PPP2R5E: variants seen among roughly 807,000 people sequenced by gnomAD.
PPP2R5E encodes protein phosphatase 2 regulatory subunit B'epsilon.
Under a neutral mutation model 65.3 loss-of-function variants are expected in PPP2R5E, and 4 were observed. The ratio of observed to expected loss-of-function variants is 0.06; its 90% CI spans 0.03 to 0.14. The LOEUF (loss-of-function observed/expected upper bound fraction) is 0.14, where lower values mean the gene tolerates loss of function less well. Among genes scored for constraint, PPP2R5E ranks in the 10% least tolerant of loss-of-function variants. PPP2R5E has a pLI of 1.00. For synonymous variants in PPP2R5E, 183 were observed against 187.4 expected (o/e 0.98, Z 0.19); for missense variants, 274 against 556.1 (o/e 0.49, Z 5.10).
intron 3 of PPP2R5E, among the ~76,000 whole-genome samples, chr14:63,433,675 G>C (rs1301777113): frequency 6.6e-6 from 1 of 151,976 alleles, no homozygotes; most frequent in African/African-American, 2.4e-5. Context: ...CCTCTCCAGA[G>C]AGTAAAGCTT....
chr14:63,520,193 G>A (rs1255759), intron 2 of PPP2R5E, among the ~76,000 whole-genome samples: 5,517 of 151,764 alleles, frequency 0.036, 335 homozygotes, highest in African/African-American at 0.13. Flanking sequence ...CCGCCACCAC[G>A]CCCGGCTAAT....
At chr14:63,433,072 G>A (rs1263732699) in intron 3 of PPP2R5E, among the ~76,000 whole-genome samples, 1 of 110,524 alleles carries the variant, frequency 9.0e-6, no homozygotes, top group Non-Finnish European at 1.7e-5. Context: ...GGGTCTCACT[G>A]TGTCACCCAG....
intron 2 of PPP2R5E, among the ~76,000 whole-genome samples, chr14:63,458,256 G>C (rs961484571): frequency 6.6e-6 from 1 of 152,136 alleles, no homozygotes; most frequent in Non-Finnish European, 1.5e-5. Context: ...CCCTAATCAT[G>C]ATTTAAAGGG....
chr14:63,529,978 G>A (rs1041279284), intron 2 of PPP2R5E, among the ~76,000 whole-genome samples: 8 of 152,066 alleles, frequency 5.3e-5, no homozygotes, highest in Non-Finnish European at 7.4e-5. Flanking sequence ...ACGATACTCA[G>A]AAAATAGTAA....
chr14:63,490,704 G>A (rs145142762), intron 2 of PPP2R5E, among the ~76,000 whole-genome samples: 20 of 151,952 alleles, frequency 1.3e-4, no homozygotes, highest in Admixed American at 3.3e-4. Flanking sequence ...CACACCAGTC[G>A]GAATGAGTAC....
Position 63,392,032 on chromosome 14 carries a change from A to G in PPP2R5E, c.850-7T>C. On this transcript the variant is annotated splice_polypyrimidine_tract_variant and splice_region_variant and intron_variant, in intron 8 of 13. Coordinates refer to ENST00000337537, the MANE Select transcript of PPP2R5E (RefSeq NM_006246.5). ...GTACTATACAATATGCCAGCTGAGT[A>G]AAAAATAAAATAAAAGGCAAAATTT... 1 of 1,590,924 alleles carries G rather than the reference A, an allele frequency of 6.3e-7. No homozygotes were observed. Among genetic ancestry groups the G allele is most frequent in the Non-Finnish European group, 8.5e-7 (1 of 1,172,946 alleles).
At chr14:63,496,530 C>T (rs1220207814) in intron 2 of PPP2R5E, among the ~76,000 whole-genome samples, 13 of 151,692 alleles carry the variant, frequency 8.6e-5, no homozygotes, top group African/African-American at 2.7e-4. Flanking sequence ...TCATCCAGCT[C>T]GCCTCTTGAA....
intron 8 of PPP2R5E, among the ~76,000 whole-genome samples, chr14:63,393,353 A>C (rs1885132878): frequency 6.6e-6 from 1 of 152,224 alleles, no homozygotes; most frequent in Non-Finnish European, 1.5e-5. Flanking sequence ...ATAGAAAAAA[A>C]ATGCATACAT....
rs559561904 is a variant in PPP2R5E, at chr14:63,506,312, A to G, written c.157+33217T>C. 9.2e-5 allele frequency among the ~76,000 whole-genome samples: 14 copies of G among 152,066 alleles called. No homozygotes were observed. In the East Asian group the frequency reaches 1.7e-3, roughly 19 times the overall value. On this transcript the variant is annotated intron_variant, in intron 2 of 13. Coordinates refer to ENST00000337537, the MANE Select transcript of PPP2R5E (RefSeq NM_006246.5). ...AAAAATACAAAAAAATTAGCCGGGC[A>G]TGGTGGCGGGCGCCTGTAGTCCCAG...
chr14:63,456,157 A>C (rs1188753436), intron 2 of PPP2R5E, among the ~76,000 whole-genome samples: 1 of 152,264 alleles, frequency 6.6e-6, no homozygotes, highest in Admixed American at 6.5e-5. Context: ...GATTTTAATA[A>C]AGTCTAAAAA....
At position 63,511,440 on chromosome 14, in the gene PPP2R5E, C is replaced by T. The variant is rs750047443; in HGVS notation, c.157+28089G>A. ...ATCTGACGGGATGTTCATGAGTGAGCTCAGAGGAGAAGAGAACCATCACAT... is the reference window on the plus strand; with the variant it reads ...ATCTGACGGGATGTTCATGAGTGAGTTCAGAGGAGAAGAGAACCATCACAT... On this transcript the variant is annotated intron_variant, in intron 2 of 13. Coordinates refer to ENST00000337537, the MANE Select transcript of PPP2R5E (RefSeq NM_006246.5). 5.3e-5 allele frequency among the ~76,000 whole-genome samples: 8 copies of T among 152,134 alleles called. No homozygotes were observed. The South Asian group carries it at 1.0e-3, about 20-fold the overall frequency.
intron 2 of PPP2R5E, among the ~76,000 whole-genome samples, chr14:63,491,528 A>G (rs1368126527): frequency 6.6e-6 from 1 of 152,164 alleles, no homozygotes; most frequent in Non-Finnish European, 1.5e-5. Flanking sequence ...TTTTAGATAT[A>G]CTGAGTTAAA....
At position 63,456,879 on chromosome 14, in the gene PPP2R5E, T is replaced by C. The variant is rs115632392; in HGVS notation, c.158-2994A>G. Reference sequence around the variant, plus strand: ...CTAAACCCCTTCTCTATCTCCCCTCTAGCCCATGCACCAAGAATTAACACA... The same window carrying C: ...CTAAACCCCTTCTCTATCTCCCCTCCAGCCCATGCACCAAGAATTAACACA... On this transcript the variant is annotated intron_variant, in intron 2 of 13. Coordinates refer to ENST00000337537, the MANE Select transcript of PPP2R5E (RefSeq NM_006246.5). Among the ~76,000 whole-genome samples, 849 of 146,956 alleles carry C rather than the reference T, an allele frequency of 5.8e-3. 10 individuals carry two copies. Among genetic ancestry groups the C allele is most frequent in the African/African-American group, 0.02 (761 of 37,146 alleles).
chr14:63,398,176 G>A (rs755264469), intron 5 of PPP2R5E, among the ~76,000 whole-genome samples: 4 of 152,172 alleles, frequency 2.6e-5, no homozygotes, highest in Non-Finnish European at 5.9e-5. Flanking sequence ...ATGCCAGTGA[G>A]CACAACAGAT....
chr14:63,459,533 A>T (rs1322024372), intron 2 of PPP2R5E, among the ~76,000 whole-genome samples: 1 of 152,248 alleles, frequency 6.6e-6, no homozygotes, highest in Non-Finnish European at 1.5e-5. Context: ...ATTTCAATGC[A>T]CATAAGCAAA....
intron 4 of PPP2R5E, among the ~76,000 whole-genome samples, chr14:63,419,565 G>A (rs558631359): frequency 6.6e-6 from 1 of 151,854 alleles, no homozygotes; most frequent in African/African-American, 2.4e-5. Flanking sequence ...TGGCTAATTT[G>A]TGCTATAAGA....
chr14:63,462,093 C>T (rs1308287469), intron 2 of PPP2R5E, among the ~76,000 whole-genome samples: 3 of 141,360 alleles, frequency 2.1e-5, no homozygotes, highest in Non-Finnish European at 4.5e-5. Flanking sequence ...TTTTTTTAGA[C>T]GGAGTCTCGC....
chr14:63,479,964 CT>C (rs1890609715), intron 2 of PPP2R5E, among the ~76,000 whole-genome samples: 1 of 152,144 alleles, frequency 6.6e-6, no homozygotes, highest in South Asian at 2.1e-4. Flanking sequence ...CATAGTAAAA[CT>C]TTCCACAAAG....
intron 12 of PPP2R5E, 120 bp downstream of exon 12, chr14:63,384,324 G>T: frequency 1.7e-6 from 2 of 1,204,252 alleles, no homozygotes; most frequent in South Asian, 1.3e-5. Flanking sequence ...AGAAGGTAAG[G>T]ATTTTATCTT....
Sources: allele counts gnomAD v4.1 joint callset (sites outside exome capture counted in the v4.1 genomes callset), GRCh38; gene constraint gnomAD v4.1.1; transcripts MANE v1.5; gene names NCBI Gene and HGNC (gene_info 2026-07-23, HGNC 2026-07-21).